Variants in RNF175 observed in about 807,000 individuals in gnomAD.
The protein encoded by RNF175 is ring finger protein 175.
RNF175 carries 38 observed loss-of-function variants against 50.0 expected under a neutral mutation model. The observed-to-expected ratio is 0.76, with a 90% CI of 0.59 to 1.00. The LOEUF is 1.00. Ranked by LOEUF, RNF175 falls within the 50% of genes least tolerant of loss-of-function variation. The pLI, the probability that RNF175 is intolerant of heterozygous loss-of-function variation, is 0.00. For missense variants in RNF175, 388 were observed against 409.6 expected (o/e 0.95, Z 0.46); for synonymous variants, 155 against 146.1 (o/e 1.06, Z -0.44).
intron 6 of RNF175, among the ~76,000 whole-genome samples, chr4:153,718,574 T>G (rs774333979): frequency 6.6e-6 from 1 of 152,198 alleles, no homozygotes; most frequent in Non-Finnish European, 1.5e-5. Context: ...TCTTGCCAGG[T>G]AAAGTCTCTT....
intron 3 of RNF175, among the ~76,000 whole-genome samples, chr4:153,730,552 C>G (rs1738979543): frequency 6.6e-6 from 1 of 152,222 alleles, no homozygotes; most frequent in South Asian, 2.1e-4. Flanking sequence ...CTTAAAAGAT[C>G]ATTACTTCTG....
intron 1 of RNF175, among the ~76,000 whole-genome samples, chr4:153,758,288 G>T (rs1243917872): frequency 1.3e-5 from 2 of 152,220 alleles, no homozygotes; most frequent in Non-Finnish European, 2.9e-5. Flanking sequence ...TTAAAATGCG[G>T]ATTTCAATTC....
At chr4:153,723,192 T>C (rs1738456777) in intron 5 of RNF175, 159 bp downstream of exon 5, 3 of 441,210 alleles carry the variant, frequency 6.8e-6, no homozygotes, top group Non-Finnish European at 1.2e-5. Flanking sequence ...TCCCTTTCTA[T>C]TGGTTTTCCC....
At chr4:153,756,376 A>G (rs1740564006) in intron 1 of RNF175, among the ~76,000 whole-genome samples, 1 of 152,134 alleles carries the variant, frequency 6.6e-6, no homozygotes, top group Non-Finnish European at 1.5e-5. Context: ...AAGTGAACAT[A>G]CTTGTTTCCC....
intron 1 of RNF175, among the ~76,000 whole-genome samples, 190 bp downstream of exon 1, chr4:153,759,607 G>A (rs2127175085): frequency 6.6e-6 from 1 of 152,288 alleles, no homozygotes; most frequent in African/African-American, 2.4e-5. Flanking sequence ...AGGGAGTGGA[G>A]GAGGGACTGG....
chr4:153,725,135 T>C (rs1288541601), intron 4 of RNF175, among the ~76,000 whole-genome samples: 19 of 123,952 alleles, frequency 1.5e-4, no homozygotes, highest in African/African-American at 4.6e-4. Flanking sequence ...CGTGGGGGAG[T>C]GGGCAGGGGT....
intron 1 of RNF175, among the ~76,000 whole-genome samples, chr4:153,753,719 A>G (rs59699218): frequency 0.99 from 149,439 of 151,612 alleles, 73,678 homozygotes; most frequent in East Asian, 1. Flanking sequence ...CACCATGCCC[A>G]GCTAAATTTT....
intron 4 of RNF175, among the ~76,000 whole-genome samples, chr4:153,726,000 C>T (rs1172787535): frequency 6.6e-6 from 1 of 152,116 alleles, no homozygotes; most frequent in African/African-American, 2.4e-5. Context: ...TTCAGAGCAG[C>T]CTCCAAAAGG....
At position 153,710,590 on chromosome 4, in the gene RNF175, T is replaced by C. The variant is rs1579018706; in HGVS notation, c.867-101A>G. On this transcript the variant is annotated intron_variant, in intron 8 of 8. Transcript: ENST00000347063. ...AATAAACAATGTAATGAATGGGTATTTCCTTTCTTGTTAATTCTATGTGCT... is the reference window on the plus strand; with the variant it reads ...AATAAACAATGTAATGAATGGGTATCTCCTTTCTTGTTAATTCTATGTGCT... 15 of 1,135,708 alleles carry C rather than the reference T, an allele frequency of 1.3e-5. No individual in the cohort carries two copies. In the East Asian group the frequency reaches 3.9e-4, roughly 29 times the overall value. The allele number at this position is 1,135,708 out of a possible 1,614,324, so 70.4% of individuals were successfully genotyped here.
intron 5 of RNF175, among the ~76,000 whole-genome samples, chr4:153,721,621 A>G (rs1435640324): frequency 6.6e-6 from 1 of 152,220 alleles, no homozygotes; most frequent in African/African-American, 2.4e-5. Context: ...CTCCCTAGGA[A>G]AAAAGCTTAA....
intron 4 of RNF175, among the ~76,000 whole-genome samples, chr4:153,726,073 ATGTGTGTG>A (rs10592509): frequency 1.3e-5 from 2 of 148,936 alleles, no homozygotes; most frequent in Admixed American, 6.7e-5. Context: ...TAGTGTGTGT[ATGTGTGTG>A]TGTGTGTGTG....
In RNF175 at chr4:153,748,805, G is replaced by A. The variant is rs1294802708; in HGVS notation, c.105-19C>T. ...CTGCAGGCTGGAACCAGCAAAATGAGGTCATCTGAAAAAGCCCTCAACCTT... is the reference window on the plus strand; with the variant it reads ...CTGCAGGCTGGAACCAGCAAAATGAAGTCATCTGAAAAAGCCCTCAACCTT... On this transcript the variant is annotated intron_variant, in intron 2 of 8. Transcript: ENST00000347063. The A allele has an allele frequency of 6.2e-7, 1 of 1,604,012 alleles. No individual in the cohort carries two copies.
At chr4:153,729,116 C>T (rs1738887765) in intron 3 of RNF175, among the ~76,000 whole-genome samples, 1 of 152,236 alleles carries the variant, frequency 6.6e-6, no homozygotes, top group South Asian at 2.1e-4. Flanking sequence ...CGAAGCAGGC[C>T]TAGTACCAGC....
chr4:153,749,410 T>A (rs1740168197), intron 2 of RNF175, among the ~76,000 whole-genome samples: 1 of 152,234 alleles, frequency 6.6e-6, no homozygotes. Context: ...AAGGAAACCC[T>A]GCAGATGGTG....
At chr4:153,751,816 G>A (rs1244175201) in intron 1 of RNF175, among the ~76,000 whole-genome samples, 1 of 152,216 alleles carries the variant, frequency 6.6e-6, no homozygotes, top group East Asian at 1.9e-4. Context: ...AGGATATGAA[G>A]TGTGAGTCTG....
At chr4:153,736,451 G>A (rs1003979594) in intron 3 of RNF175, among the ~76,000 whole-genome samples, 6 of 152,146 alleles carry the variant, frequency 3.9e-5, no homozygotes, top group African/African-American at 1.4e-4. Flanking sequence ...CATATGGTAA[G>A]TCTTGAAATT....
chr4:153,728,136 T>C, intron 4 of RNF175, 71 bp downstream of exon 4: 1 of 1,195,354 alleles, frequency 8.4e-7, no homozygotes, highest in Non-Finnish European at 1.1e-6. Context: ...CCCAGGAAAA[T>C]GGCAATAAAA....
At chr4:153,742,838 TA>T (rs759903896) in intron 3 of RNF175, among the ~76,000 whole-genome samples, 1 of 150,362 alleles carries the variant, frequency 6.7e-6, no homozygotes, top group Non-Finnish European at 1.5e-5. Flanking sequence ...TTATAGTAAT[TA>T]TAATATATAT....
At position 153,715,621 on chromosome 4, in the gene RNF175, G is replaced by T; in HGVS notation, c.672C>A (p.Asp224Glu). ...VSRLPTRSLS[D>E]NICAVCGQKI... ...TCTGCCCACAGACTGCACAGATATT[G>T]TCCGATAAGCTCCTTGTAGGCAACC... Residue 224 changes from aspartate (D) to glutamate (E), a missense_variant, in exon 7 of 9, where the codon GAC becomes GAA. By Grantham distance (45) the Asp-to-Glu change is conservative. Transcript: ENST00000347063. The T allele has an allele frequency of 6.2e-7, 1 of 1,613,858 alleles. No individual in the cohort carries two copies. Among genetic ancestry groups the T allele is most frequent in the Non-Finnish European group, 8.5e-7 (1 of 1,179,798 alleles).
Sources: allele counts gnomAD v4.1 joint callset (sites outside exome capture counted in the v4.1 genomes callset), GRCh38; gene constraint gnomAD v4.1.1; transcripts MANE v1.5; gene names NCBI Gene and HGNC (gene_info 2026-07-23, HGNC 2026-07-21).